RPRD1B: variants seen among roughly 807,000 people sequenced by gnomAD.
The protein encoded by RPRD1B is regulation of nuclear pre-mRNA domain-containing protein 1B.
Under a neutral mutation model 41.5 loss-of-function variants are expected in RPRD1B, and 11 were observed. The ratio of observed to expected loss-of-function variants is 0.27; its 90% CI spans 0.17 to 0.44. The LOEUF is 0.44. RPRD1B is among the 20% of genes least tolerant of loss of function. The pLI is 1.00. For synonymous variants in RPRD1B, 158 were observed against 155.6 expected (o/e 1.02, Z -0.12); for missense variants, 248 against 389.9 (o/e 0.64, Z 3.06).
In RPRD1B at chr20:38,090,945, G is replaced by A; in HGVS notation, c.*1070G>A. The A allele has an allele frequency of 2.0e-6, 2 of 985,282 alleles. No homozygotes were observed. The highest frequency in any genetic ancestry group is 2.4e-6 in the Non-Finnish European group (2 of 829,858). The allele number at this position is 985,282 out of a possible 1,614,324, so 61.0% of individuals were successfully genotyped here. On this transcript the variant is annotated 3_prime_UTR_variant, in exon 7 of 7. Coordinates refer to ENST00000373433, the MANE Select transcript of RPRD1B (RefSeq NM_021215.4). Reference sequence around the variant, plus strand: ...TGTCCCCACACGACGGGGAGTACTTGCGTCAGATGTTATTGAATAGCTCGT... The same window carrying A: ...TGTCCCCACACGACGGGGAGTACTTACGTCAGATGTTATTGAATAGCTCGT...
chr20:38,062,394 C>T (rs1030531791), intron 5 of RPRD1B, among the ~76,000 whole-genome samples: 1 of 150,292 alleles, frequency 6.7e-6, no homozygotes, highest in Admixed American at 6.6e-5. Flanking sequence ...AGTGTTGACC[C>T]TTCCACCTTG....
chr20:38,082,478 C>T (rs1049244259), intron 6 of RPRD1B, among the ~76,000 whole-genome samples: 1 of 152,144 alleles, frequency 6.6e-6, no homozygotes, highest in Non-Finnish European at 1.5e-5. Context: ...GCCCCGCCTC[C>T]CAGATTCACA....
chr20:38,066,017 T>C (rs1600420243), intron 5 of RPRD1B, 64 bp from the exon 6 acceptor site: 1 of 1,512,600 alleles, frequency 6.6e-7, no homozygotes, highest in East Asian at 2.3e-5. Context: ...CCCCCAGAAA[T>C]GTTTGTAGTC....
At chr20:38,076,308 G>A (rs2074459284) in intron 6 of RPRD1B, among the ~76,000 whole-genome samples, 1 of 152,146 alleles carries the variant, frequency 6.6e-6, no homozygotes, top group African/African-American at 2.4e-5. Flanking sequence ...CATTGATAAA[G>A]TAACACTTTA....
At chr20:38,043,682 C>T (rs1004289894) in intron 2 of RPRD1B, among the ~76,000 whole-genome samples, 2 of 152,018 alleles carry the variant, frequency 1.3e-5, no homozygotes, top group African/African-American at 4.8e-5. Flanking sequence ...TGGGAGGATC[C>T]CCACCTCTCC....
chr20:38,061,717 G>A (rs896514358), intron 5 of RPRD1B, among the ~76,000 whole-genome samples: 1 of 152,146 alleles, frequency 6.6e-6, no homozygotes, highest in Non-Finnish European at 1.5e-5. Flanking sequence ...CCCAGTTGCT[G>A]ATGACTTCCT....
intron 6 of RPRD1B, among the ~76,000 whole-genome samples, chr20:38,069,022 T>A (rs2074385604): frequency 6.6e-6 from 1 of 152,246 alleles, no homozygotes; most frequent in Non-Finnish European, 1.5e-5. Context: ...TATACATAGA[T>A]GAAATTCTCA....
chr20:38,060,802 T>TAGTCCTCG (rs1361042787), intron 5 of RPRD1B, among the ~76,000 whole-genome samples: 7 of 152,176 alleles, frequency 4.6e-5, no homozygotes, highest in Non-Finnish European at 1.0e-4. Context: ...CACCTCTTCC[T>TAGTCCTCG]AGTCCTCGAG....
At chr20:38,058,240 CTT>C (rs1242631199) in intron 4 of RPRD1B, among the ~76,000 whole-genome samples, 2 of 151,796 alleles carry the variant, frequency 1.3e-5, no homozygotes, top group African/African-American at 4.8e-5. Flanking sequence ...AGCCCATGCT[CTT>C]TTCAAGGCGG....
chr20:38,081,597 G>A (rs1035964054), intron 6 of RPRD1B, among the ~76,000 whole-genome samples: 8 of 152,130 alleles, frequency 5.3e-5, no homozygotes, highest in Admixed American at 5.2e-4. Context: ...TGTTGAACGG[G>A]GGTGGCAAGA....
Position 38,040,505 on chromosome 20 carries a change from A to G in RPRD1B, c.222A>G (p.Gly74=). Residue 74 remains glycine (G), a synonymous_variant, in exon 2 of 7, where the codon GGA becomes GGG. Transcript: ENST00000373433. The stretch of plus-strand genomic sequence containing the variant: ...TCATCCAAAACAGTAAAAGGAAAGG[A>G]CCTGAATTCACTAGAGAATTTGAAT... ...NDVIQNSKRK[G]PEFTREFESV... 1 of 1,611,016 alleles carries G rather than the reference A, an allele frequency of 6.2e-7. No individual in the cohort carries two copies. The highest frequency in any genetic ancestry group is 1.1e-5 in the South Asian group (1 of 90,438).
At chr20:38,086,537 A>G (rs140679327) in intron 6 of RPRD1B, among the ~76,000 whole-genome samples, 364 of 151,802 alleles carry the variant, frequency 2.4e-3, no homozygotes, top group African/African-American at 7.8e-3. Context: ...CAGGGTCTCT[A>G]TTTCCCAGGC....
At chr20:38,072,130 GA>G (rs2074418967) in intron 6 of RPRD1B, among the ~76,000 whole-genome samples, 1 of 152,094 alleles carries the variant, frequency 6.6e-6, no homozygotes, top group African/African-American at 2.4e-5. Flanking sequence ...TTTTCTTCTA[GA>G]AGTTTTATAA....
chr20:38,064,502 A>G (rs541110036), intron 5 of RPRD1B, among the ~76,000 whole-genome samples: 38 of 152,302 alleles, frequency 2.5e-4, no homozygotes, highest in Non-Finnish European at 3.5e-4. Context: ...CAAAGCACCA[A>G]CCTACTCTTT....
chr20:38,073,226 A>G (rs2074428571), intron 6 of RPRD1B, among the ~76,000 whole-genome samples: 1 of 152,240 alleles, frequency 6.6e-6, no homozygotes, highest in Admixed American at 6.5e-5. Flanking sequence ...AAATGATTGC[A>G]TGAAAGCATT....
intron 2 of RPRD1B, among the ~76,000 whole-genome samples, chr20:38,046,035 C>T (rs2074117367): frequency 2.0e-5 from 3 of 152,230 alleles, no homozygotes; most frequent in Non-Finnish European, 4.4e-5. Flanking sequence ...ACTTGAATTA[C>T]TCCTTTCCCT....
intron 5 of RPRD1B, among the ~76,000 whole-genome samples, chr20:38,062,763 A>C (rs2074310635): frequency 6.6e-6 from 1 of 150,516 alleles, no homozygotes; most frequent in Non-Finnish European, 1.5e-5. Context: ...AGTAGAAGGC[A>C]GATCATGTCT....
intron 6 of RPRD1B, among the ~76,000 whole-genome samples, chr20:38,089,498 AC>A (rs2122778968): frequency 6.6e-6 from 1 of 152,274 alleles, no homozygotes; most frequent in South Asian, 2.1e-4. Context: ...TAAATTGAAT[AC>A]CATTTAATTC....
chr20:38,064,414 C>A (rs1003063734), intron 5 of RPRD1B, among the ~76,000 whole-genome samples: 10 of 152,202 alleles, frequency 6.6e-5, no homozygotes, highest in African/African-American at 2.4e-4. Context: ...CGAGCTCTCA[C>A]CTCTGACAGC....
Sources: gnomAD v4.1 joint callset for allele counts (sites outside exome capture counted in the v4.1 genomes callset) on GRCh38, gnomAD v4.1.1 for gene constraint, MANE v1.5 for transcripts, NCBI Gene and HGNC (gene_info 2026-07-23, HGNC 2026-07-21) for gene names.